The following SFR1 variants were observed in gnomAD, a reference collection of about 807,000 sequenced individuals.
SFR1 encodes SWI5 dependent homologous recombination repair protein 1.
SFR1 carries 24 observed loss-of-function variants against 26.2 expected under a neutral mutation model. The observed-to-expected ratio is 0.92, with a 90% CI of 0.66 to 1.29. The LOEUF (loss-of-function observed/expected upper bound fraction) is 1.29, where lower values mean the gene tolerates loss of function less well. Ranked by LOEUF, SFR1 falls within the 50% of genes most tolerant of loss-of-function variation. The probability of loss-of-function intolerance (pLI) is 0.00; values close to 1 mark genes in which losing one functional copy is unlikely to be tolerated. For synonymous variants in SFR1, 77 were observed against 96.6 expected (o/e 0.80, Z 1.19); for missense variants, 276 against 270.2 (o/e 1.02, Z -0.15).
At position 104,125,556 on chromosome 10, in the gene SFR1, G is replaced by C. The variant is rs369668937; in HGVS notation, c.590G>C (p.Ser197Thr). 6.2e-7 allele frequency: 1 copy of C among 1,613,382 alleles called. No individual in the cohort carries two copies. Among genetic ancestry groups the C allele is most frequent in the South Asian group, 1.1e-5 (1 of 90,988 alleles). Residue 197 changes from serine (S) to threonine (T), a missense_variant, in exon 4 of 4, where the codon AGC (serine) becomes ACC (threonine). Transcript: ENST00000369727. Reference sequence around the variant, plus strand: ...CAGTTGTTAATAAAGAAGTGGAGAAGCTGTAGCCAGCTCTTGCTTTATGAG... The same window carrying C: ...CAGTTGTTAATAAAGAAGTGGAGAACCTGTAGCCAGCTCTTGCTTTATGAG... ...QLQLLIKKWR[S>T]CSQLLLYELQ...
At position 104,123,879 on chromosome 10, in the gene SFR1, A is replaced by C. The variant is rs770556823; in HGVS notation, c.301A>C (p.Ser101Arg). The change falls in exon 3 of 4, where the codon AGT becomes CGT. Residue 101 changes from serine to arginine, a missense_variant. Ser to Arg is a moderately radical substitution (Grantham distance 110, BLOSUM62 -1). Coordinates refer to ENST00000369727, the MANE Select transcript of SFR1 (RefSeq NM_001002759.2). ...GGAAAACTGTTTGGAATTTCAAGAA[A>C]GTTTTAAACATATAGACAGTGAATT... Reference protein sequence around the residue: ...TEENCLEFQESFKHIDSEFEE... With the variant: ...TEENCLEFQERFKHIDSEFEE... 1.9e-6 allele frequency: 3 copies of C among 1,613,232 alleles called. No homozygotes were observed. Among genetic ancestry groups the C allele is most frequent in the Non-Finnish European group, 2.5e-6 (3 of 1,179,848 alleles).
At chr10:104,124,148 G>A (rs2087000943) in intron 3 of SFR1, 24 bp downstream of exon 3, 1 of 1,456,532 alleles carries the variant, frequency 6.9e-7, no homozygotes, top group South Asian at 1.5e-5. Flanking sequence ...CAGGACCATT[G>A]CATAATTTTT....
intron 3 of SFR1, among the ~76,000 whole-genome samples, chr10:104,124,515 C>T (rs2087004744): frequency 6.6e-6 from 1 of 150,520 alleles, no homozygotes; most frequent in African/African-American, 2.4e-5. Flanking sequence ...GTGTCTCCCC[C>T]AAATAATTAA....
At chr10:104,123,251 A>T in intron 2 of SFR1, 165 bp downstream of exon 2, 1 of 557,136 alleles carries the variant, frequency 1.8e-6, no homozygotes, top group Non-Finnish European at 3.1e-6. Flanking sequence ...GACATATATG[A>T]CACCCACCAG....
intron 2 of SFR1, 95 bp downstream of exon 2, chr10:104,123,181 A>G (rs2086986280): frequency 3.0e-6 from 3 of 1,007,126 alleles, no homozygotes; most frequent in Non-Finnish European, 1.5e-6. Context: ...GTTAATTAAC[A>G]TAATGTGTAG....
At chr10:104,121,104 GGC>G (rs111656309), upstream of SFR1, among the ~76,000 whole-genome samples, 39,389 of 150,802 alleles carry the variant, frequency 0.26, 7,720 homozygotes, top group African/African-American at 0.56. Flanking sequence ...CTGGAAGCGG[GGC>G]GCGGGGGGGG....
At chr10:104,122,744 G>C in intron 1 of SFR1, 4 of 1,456,276 alleles carry the variant, frequency 2.7e-6, no homozygotes, top group South Asian at 1.4e-5. Flanking sequence ...GTGACTATGA[G>C]ATACTAGCTG....
upstream of SFR1, among the ~76,000 whole-genome samples, chr10:104,121,768 G>C (rs573169277): frequency 6.6e-5 from 10 of 152,318 alleles, no homozygotes; most frequent in East Asian, 1.9e-3. Context: ...AGCCTGAAGG[G>C]AAGGCGGTTG....
intron 2 of SFR1, 128 bp downstream of exon 2, chr10:104,123,214 T>G: frequency 1.3e-6 from 1 of 790,586 alleles, no homozygotes; most frequent in South Asian, 2.4e-5. Context: ...GACATTTTAT[T>G]AAATAATTTT....
At chr10:104,121,740 G>C (rs1291686756), upstream of SFR1, among the ~76,000 whole-genome samples, 1 of 152,216 alleles carries the variant, frequency 6.6e-6, no homozygotes, top group African/African-American at 2.4e-5. Flanking sequence ...GCACTTCACA[G>C]ACGCACAAAA....
Position 104,122,207 on chromosome 10 carries a change from G to GAGGGGA in SFR1, c.13+17_13+22dup, listed in dbSNP as rs1352696343. 4 of 1,542,272 alleles carry GAGGGGA rather than the reference G, an allele frequency of 2.6e-6. No individual in the cohort carries two copies. Among genetic ancestry groups the GAGGGGA allele is most frequent in the Non-Finnish European group, 3.5e-6 (4 of 1,143,086 alleles). On this transcript the variant is annotated intron_variant, in intron 1 of 3. Transcript: ENST00000369727. ...GAATGGCGGAGGGAGGTACCCTGCT[G>GAGGGGA]AGGGGAAGGGGGGATCCCTGACACC...
In SFR1 at chr10:104,125,912, C is replaced by T. The variant is rs2087022551; in HGVS notation, c.*208C>T. 2.8e-6 allele frequency: 1 copy of T among 355,770 alleles called. No individual in the cohort carries two copies. Among genetic ancestry groups the T allele is most frequent in the African/African-American group, 2.1e-5 (1 of 47,036 alleles). The allele number at this position is 355,770 out of a possible 1,614,324, so 22.0% of individuals were successfully genotyped here. ...TCCCGAGTAGCTGAGATTACAGGCG[C>T]CCGCCACCATGCCCGGCTAATTTTT... On this transcript the variant is annotated 3_prime_UTR_variant, in exon 4 of 4. Transcript: ENST00000369727.
intron 1 of SFR1, 185 bp downstream of exon 1, chr10:104,122,381 T>C (rs1015634588): frequency 6.1e-6 from 6 of 985,274 alleles, no homozygotes; most frequent in Admixed American, 1.2e-4. Context: ...GCCCCTAGTT[T>C]ACCCCTCAAA....
upstream of SFR1, chr10:104,122,100 T>G: frequency 6.7e-7 from 1 of 1,501,098 alleles, no homozygotes; most frequent in Admixed American, 2.0e-5. Context: ...ATTGCGCATC[T>G]TTTCCGCCTA....
At chr10:104,120,798 C>G (rs2086953227), upstream of SFR1, among the ~76,000 whole-genome samples, 1 of 152,118 alleles carries the variant, frequency 6.6e-6, no homozygotes, top group South Asian at 2.1e-4. Context: ...GTAACGTGTA[C>G]GCCCCTAATC....
chr10:104,122,640 GA>G, intron 1 of SFR1: 1 of 1,316,512 alleles, frequency 7.6e-7, no homozygotes, highest in South Asian at 1.7e-5. Flanking sequence ...TCATAATAAA[GA>G]ATTCCTGATT....
At chr10:104,121,402 A>G (rs1043736672), upstream of SFR1, among the ~76,000 whole-genome samples, 13 of 152,194 alleles carry the variant, frequency 8.5e-5, no homozygotes, top group Non-Finnish European at 7.4e-5. Context: ...AAAGCTAGCG[A>G]TGAGCTCAGC....
intron 3 of SFR1, among the ~76,000 whole-genome samples, chr10:104,124,552 A>T (rs907914434): frequency 6.8e-6 from 1 of 147,742 alleles, no homozygotes; most frequent in African/African-American, 2.5e-5. Flanking sequence ...TATTTGAGAA[A>T]ATATATATAT....
At chr10:104,123,589 T>C (rs2086991492) in intron 2 of SFR1, 125 bp from the exon 3 acceptor site, 1 of 635,458 alleles carries the variant, frequency 1.6e-6, no homozygotes. Context: ...CTTCTTTAGA[T>C]GTGGAGACAG....
Sources: gnomAD v4.1 joint callset for allele counts (sites outside exome capture counted in the v4.1 genomes callset) on GRCh38, gnomAD v4.1.1 for gene constraint, MANE v1.5 for transcripts, NCBI Gene and HGNC (gene_info 2026-07-23, HGNC 2026-07-21) for gene names.